The following GRIA3 variants were observed in gnomAD, a reference collection of about 807,000 sequenced individuals.
GRIA3 encodes glutamate receptor 3.
In GRIA3, 3 loss-of-function variants were observed where a neutral mutation model predicts 63.0. The ratio of observed to expected loss-of-function variants is 0.05; its 90% CI spans 0.02 to 0.12. The LOEUF (loss-of-function observed/expected upper bound fraction) is 0.12. Ranked by LOEUF, GRIA3 falls within the 10% of genes least tolerant of loss-of-function variation. The pLI is 1.00. For missense variants in GRIA3, 347 were observed against 700.9 expected (o/e 0.50, Z 5.70); for synonymous variants, 274 against 257.9 (o/e 1.06, Z -0.60).
At chrX:123,325,953 T>G in intron 3 of GRIA3, 73 bp from the exon 4 acceptor site, 1 of 910,143 alleles carries the variant, frequency 1.1e-6, no homozygotes, top group Non-Finnish European at 1.6e-6. Context: ...GGACTGTGAC[T>G]AGAAATTCAG....
At chrX:123,253,570 T>C (rs765921833) in intron 3 of GRIA3, 28 bp downstream of exon 3, 4 of 1,176,421 alleles carry the variant, frequency 3.4e-6, no homozygotes, top group Admixed American at 2.2e-5. Context: ...CTCTGCTCTT[T>C]AGATATTCAT....
chrX:123,360,491 G>A (rs1290675453), intron 5 of GRIA3, among the ~76,000 whole-genome samples: 1 of 93,989 alleles, frequency 1.1e-5, no homozygotes, highest in Non-Finnish European at 2.1e-5. Flanking sequence ...GACCAGCCTG[G>A]CCAATATGAT....
intron 10 of GRIA3, among the ~76,000 whole-genome samples, chrX:123,409,483 G>A (rs941620572): frequency 2.7e-5 from 3 of 111,729 alleles, no homozygotes; most frequent in Non-Finnish European, 5.6e-5. Context: ...ACAAACCTCA[G>A]TAGGACACAA....
At chrX:123,436,950 A>C (rs2045647633) in intron 12 of GRIA3, among the ~76,000 whole-genome samples, 1 of 110,915 alleles carries the variant, frequency 9.0e-6, no homozygotes, top group South Asian at 3.8e-4. Context: ...TTCATGCAGA[A>C]GCCTAAAAAC....
chrX:123,316,598 T>A (rs1455459256), intron 3 of GRIA3, among the ~76,000 whole-genome samples: 1 of 112,538 alleles, frequency 8.9e-6, no homozygotes, highest in Non-Finnish European at 1.9e-5. Flanking sequence ...GCATTATTCA[T>A]AATAAGGAGA....
chrX:123,479,359 C>T (rs2147444822), intron 13 of GRIA3, among the ~76,000 whole-genome samples: 1 of 111,959 alleles, frequency 8.9e-6, no homozygotes, highest in Non-Finnish European at 1.9e-5. Context: ...CCAGTTTTTA[C>T]ATTGTTGAAA....
chrX:123,424,790 A>G (rs1399445983), intron 11 of GRIA3, among the ~76,000 whole-genome samples: 1 of 111,922 alleles, frequency 8.9e-6, no homozygotes. Context: ...AGTGGCCAAA[A>G]TAACCAGATT....
chrX:123,379,596 C>T (rs1273399612), intron 5 of GRIA3, among the ~76,000 whole-genome samples: 1 of 101,942 alleles, frequency 9.8e-6, no homozygotes, highest in Non-Finnish European at 2.0e-5. Context: ...TATGGTTGTA[C>T]ATGACAACAG....
chrX:123,343,851 G>A (rs185651658), intron 4 of GRIA3, among the ~76,000 whole-genome samples: 1 of 109,842 alleles, frequency 9.1e-6, no homozygotes, highest in African/African-American at 3.3e-5. Context: ...CACACACTGG[G>A]GCTGTATGCT....
At chrX:123,463,610 G>GGGAA (rs1569440792) in intron 12 of GRIA3, among the ~76,000 whole-genome samples, 640 of 13,964 alleles carry the variant, frequency 0.046, 39 homozygotes, top group Middle Eastern at 0.11. Context: ...GAGGGAGGGA[G>GGGAA]GGAAAGAAAG....
chrX:123,430,119 A>G (rs1265855731), intron 12 of GRIA3, among the ~76,000 whole-genome samples: 4 of 112,185 alleles, frequency 3.6e-5, no homozygotes, highest in Non-Finnish European at 7.5e-5. Context: ...AGGGCATCAT[A>G]TTACCAGAGC....
intron 2 of GRIA3, among the ~76,000 whole-genome samples, chrX:123,197,749 C>A (rs1927612735): frequency 8.9e-6 from 1 of 112,020 alleles, no homozygotes; most frequent in Admixed American, 9.4e-5. Flanking sequence ...GTGTTTCAGC[C>A]AGTTGTGGCT....
At chrX:123,320,085 G>A (rs1250120693) in intron 3 of GRIA3, among the ~76,000 whole-genome samples, 2 of 111,636 alleles carry the variant, frequency 1.8e-5, no homozygotes, top group African/African-American at 6.5e-5. Flanking sequence ...ACACAGAAAA[G>A]GAAAGAAAGA....
rs907061591 is a variant in GRIA3, at chrX:123,317,195, T to C, written c.509-8831T>C. Among the ~76,000 whole-genome samples, 3 of 111,052 alleles carry C rather than the reference T, an allele frequency of 2.7e-5. No homozygotes were observed. In the South Asian group the frequency reaches 1.2e-3, roughly 43 times the overall value. On this transcript the variant is annotated intron_variant, in intron 3 of 15. Coordinates refer to ENST00000620443, the MANE Select transcript of GRIA3 (RefSeq NM_007325.5). ...AACCAGCCCCCATGATCTAATTAAC[T>C]CCCCTGGGCCCCTCCCACAACACAG... is the stretch of plus-strand genomic sequence containing the variant.
intron 3 of GRIA3, among the ~76,000 whole-genome samples, chrX:123,297,343 A>G (rs892923769): frequency 1.8e-5 from 2 of 112,251 alleles, no homozygotes; most frequent in African/African-American, 3.2e-5. Flanking sequence ...GAATACAGAC[A>G]AAGGAAAAGA....
At position 123,237,635 on chromosome X, in the gene GRIA3, G is replaced by T. The variant is rs776892215; in HGVS notation, c.269-15668G>T. ...TCACACAAAGAGAATTACAGAGCCC[G>T]AATCCTCTTTCTCTTGGAGCAAATG... On this transcript the variant is annotated intron_variant, in intron 2 of 15. Coordinates refer to ENST00000620443, the MANE Select transcript of GRIA3 (RefSeq NM_007325.5). 2.7e-5 allele frequency among the ~76,000 whole-genome samples: 3 copies of T among 112,112 alleles called. No individual in the cohort carries two copies. The South Asian group carries it at 1.1e-3, about 42-fold the overall frequency.
intron 4 of GRIA3, among the ~76,000 whole-genome samples, chrX:123,340,201 G>T (rs2045000334): frequency 8.9e-6 from 1 of 112,426 alleles, no homozygotes; most frequent in South Asian, 3.7e-4. Flanking sequence ...CCAACTGTCT[G>T]TAATTAGCAT....
chrX:123,431,027 TACACAC>T (rs3050442), intron 12 of GRIA3, among the ~76,000 whole-genome samples: 4,971 of 99,422 alleles, frequency 0.05, 127 homozygotes, highest in Admixed American at 0.091. Flanking sequence ...GTAACTCACA[TACACAC>T]ACACACACAC....
At chrX:123,404,223 A>T (rs1002825243) in intron 9 of GRIA3, among the ~76,000 whole-genome samples, 7 of 111,200 alleles carry the variant, frequency 6.3e-5, no homozygotes, top group Non-Finnish European at 1.1e-4. Context: ...ATACATATCA[A>T]ATACTCCCTT....
Sources: gnomAD v4.1 joint callset for allele counts (sites outside exome capture counted in the v4.1 genomes callset) on GRCh38, gnomAD v4.1.1 for gene constraint, MANE v1.5 for transcripts, NCBI Gene and HGNC (gene_info 2026-07-23, HGNC 2026-07-21) for gene names.